Variants in KIAA1671 observed in about 807,000 individuals in gnomAD.
KIAA1671 encodes the protein uncharacterized protein KIAA1671.
KIAA1671 carries 52 observed loss-of-function variants against 131.2 expected under a neutral mutation model. The observed-to-expected ratio is 0.40, with a 90% CI of 0.32 to 0.50. The LOEUF (loss-of-function observed/expected upper bound fraction) is 0.50, where lower values mean the gene tolerates loss of function less well. KIAA1671 is among the 20% of genes least tolerant of loss of function. The probability of loss-of-function intolerance (pLI) is 0.73; values close to 1 mark genes in which losing one functional copy is unlikely to be tolerated. For missense variants in KIAA1671, 2,360 were observed against 2,364.2 expected, an observed-to-expected ratio of 1.00 and a Z score of 0.04; for synonymous variants, 1,003 against 961.6, an observed-to-expected ratio of 1.04 and a Z score of -0.80.
intron 8 of KIAA1671, chr22:25,176,745 G>C (rs74527060): frequency 0.075 from 11,408 of 152,140 alleles, 494 homozygotes; most frequent in East Asian, 0.16. Context: ...CCTTTCACTG[G>C]GGGGGCCCTC....
intron 1 of KIAA1671, among the ~76,000 whole-genome samples, chr22:24,984,782 C>T (rs1923426847): frequency 6.6e-6 from 1 of 151,932 alleles, no homozygotes; most frequent in African/African-American, 2.4e-5. Context: ...GGCTTGGCGG[C>T]ATGTGCCTGC....
intron 6 of KIAA1671, chr22:25,063,719 A>C (rs1928305607): frequency 1.3e-5 from 2 of 152,234 alleles, no homozygotes; most frequent in African/African-American, 4.8e-5. Context: ...AATATAAAAC[A>C]ATCTTGAAAA....
intron 6 of KIAA1671, among the ~76,000 whole-genome samples, chr22:25,097,153 A>G (rs889181427): frequency 6.6e-6 from 1 of 152,322 alleles, no homozygotes; most frequent in Middle Eastern, 3.4e-3. Context: ...CGGCCTTATC[A>G]TATGGTAAGT....
intron 1 of KIAA1671, among the ~76,000 whole-genome samples, chr22:24,974,708 T>C (rs1801471369): frequency 1.3e-5 from 2 of 148,508 alleles, no homozygotes; most frequent in Admixed American, 1.3e-4. Context: ...TTTTTTTTTT[T>C]TGAGACGGGT....
intron 6 of KIAA1671, among the ~76,000 whole-genome samples, chr22:25,076,394 G>A (rs374554304): frequency 3.9e-5 from 6 of 152,118 alleles, no homozygotes; most frequent in Admixed American, 2.6e-4. Flanking sequence ...GGGGCCAAGC[G>A]TGGGCTGCAA....
At chr22:25,121,860 G>A (rs149993174) in intron 6 of KIAA1671, among the ~76,000 whole-genome samples, 13 of 152,270 alleles carry the variant, frequency 8.5e-5, no homozygotes, top group Admixed American at 5.9e-4. Flanking sequence ...AGTTTAGATC[G>A]TTTAATCTTC....
At position 24,980,270 on chromosome 22, in the gene KIAA1671, AT is replaced by A. The variant is rs59392276; in HGVS notation, c.-208+27517del. ...CAAGTCCCTACGTTCAGTTTCTTTG[AT>A]TTTTTTTTTTTTTTTTTTGAGACGG... On this transcript the variant is annotated intron_variant, in intron 1 of 12. Transcript: ENST00000358431. Among the ~76,000 whole-genome samples, 839 of 119,186 alleles carry A rather than the reference AT, an allele frequency of 7.0e-3. 2 individuals are homozygous for A. The highest frequency in any genetic ancestry group is 0.045 in the South Asian group (170 of 3,768). The allele number at this position is 119,186 out of a possible 152,430, so 78.2% of individuals were successfully genotyped here. A position where few individuals can be genotyped will look rare whatever the true frequency, so the allele number is the denominator to read the frequency against.
At chr22:25,033,617 C>T (rs1226009375) in intron 4 of KIAA1671, among the ~76,000 whole-genome samples, 2 of 110,632 alleles carry the variant, frequency 1.8e-5, no homozygotes, top group South Asian at 3.4e-4. Context: ...CTCCCTCTGT[C>T]GCTCAGGCTG....
chr22:25,096,886 C>G (rs1173955137), intron 6 of KIAA1671, among the ~76,000 whole-genome samples: 1 of 152,204 alleles, frequency 6.6e-6, no homozygotes, highest in African/African-American at 2.4e-5. Flanking sequence ...CAGTCTTCTT[C>G]ATCAGTGTCT....
intron 1 of KIAA1671, among the ~76,000 whole-genome samples, chr22:24,965,483 G>A (rs12160452): frequency 0.021 from 3,102 of 151,066 alleles, 124 homozygotes; most frequent in African/African-American, 0.071. Context: ...GCTCACACCT[G>A]TAATCCCAGC....
chr22:24,990,281 G>C (rs765241249), intron 1 of KIAA1671, among the ~76,000 whole-genome samples: 1 of 152,040 alleles, frequency 6.6e-6, no homozygotes, highest in Non-Finnish European at 1.5e-5. Context: ...AGTAGAGACA[G>C]GGTTTCACTC....
intron 6 of KIAA1671, among the ~76,000 whole-genome samples, chr22:25,067,389 T>C (rs1220672760): frequency 6.6e-6 from 1 of 152,126 alleles, no homozygotes; most frequent in East Asian, 1.9e-4. Flanking sequence ...TCCCGGGCCA[T>C]CAGTCTGGCT....
intron 1 of KIAA1671, among the ~76,000 whole-genome samples, chr22:24,976,115 C>T (rs1267430344): frequency 6.6e-6 from 1 of 152,204 alleles, no homozygotes; most frequent in Non-Finnish European, 1.5e-5. Flanking sequence ...CCGTAGCCAG[C>T]GACTGCAGGC....
intron 1 of KIAA1671, among the ~76,000 whole-genome samples, chr22:25,021,310 C>T (rs1925652664): frequency 6.6e-6 from 1 of 151,934 alleles, no homozygotes; most frequent in Non-Finnish European, 1.5e-5. Flanking sequence ...CCTCCCACCT[C>T]CGCCTCCCAA....
chr22:25,047,151 CTTTTTT>C (rs140590311), intron 5 of KIAA1671, among the ~76,000 whole-genome samples: 1 of 121,710 alleles, frequency 8.2e-6, no homozygotes. Context: ...TTTTTCTTTT[CTTTTTT>C]TTTTTTTTTT....
intron 8 of KIAA1671, 51 bp from the exon 9 acceptor site, chr22:25,177,297 C>A: frequency 6.7e-7 from 1 of 1,492,406 alleles, no homozygotes; most frequent in Non-Finnish European, 9.0e-7. Context: ...TGGTACCCTC[C>A]ATTGATGGTT....
intron 6 of KIAA1671, among the ~76,000 whole-genome samples, chr22:25,140,772 C>A (rs1932796032): frequency 6.6e-6 from 1 of 152,204 alleles, no homozygotes; most frequent in Admixed American, 6.5e-5. Context: ...CTGTGTATGA[C>A]AGGCATCCGT....
chr22:25,140,844 A>T (rs1042176296), intron 6 of KIAA1671, among the ~76,000 whole-genome samples: 1 of 152,208 alleles, frequency 6.6e-6, no homozygotes, highest in Non-Finnish European at 1.5e-5. Context: ...AGTGCATTTC[A>T]TATGTGGTCA....
chr22:25,087,459 C>G (rs1601298160), intron 6 of KIAA1671, among the ~76,000 whole-genome samples: 1 of 152,134 alleles, frequency 6.6e-6, no homozygotes, highest in Admixed American at 6.5e-5. Context: ...TGGCGGGCGC[C>G]TATAACCCAG....
Sources: gnomAD v4.1 joint callset for allele counts (sites outside exome capture counted in the v4.1 genomes callset) on GRCh38, gnomAD v4.1.1 for gene constraint, MANE v1.5 for transcripts, NCBI Gene and HGNC (gene_info 2026-07-23, HGNC 2026-07-21) for gene names.